MGST1: variants seen among roughly 807,000 people sequenced by gnomAD.
The protein encoded by MGST1 is microsomal glutathione S-transferase 1.
A neutral mutation model predicts 8.9 loss-of-function variants in MGST1; 5 were observed. That is an observed-to-expected ratio of 0.56 (90% CI 0.29 to 1.19). MGST1 has a LOEUF of 1.19. MGST1 is among the 50% of genes most tolerant of loss of function. The probability of loss-of-function intolerance (pLI) is 0.08; values close to 1 mark genes in which losing one functional copy is unlikely to be tolerated. For synonymous variants in MGST1, 54 were observed against 67.8 expected (o/e 0.80, Z 1.00); for missense variants, 182 against 187.4 (o/e 0.97, Z 0.17).
chr12:16,571,384 T>C (rs897141769), intron 4 of MGST1, among the ~76,000 whole-genome samples: 1 of 152,088 alleles, frequency 6.6e-6, no homozygotes, highest in Non-Finnish European at 1.5e-5. Flanking sequence ...AAATTTAATA[T>C]CCAACACCAT....
At chr12:16,445,789 T>C (rs1941075406) in intron 4 of MGST1, among the ~76,000 whole-genome samples, 1 of 151,922 alleles carries the variant, frequency 6.6e-6, no homozygotes, top group African/African-American at 2.4e-5. Flanking sequence ...TCTATCTAGT[T>C]TGGGCAAGGA....
Position 16,547,398 on chromosome 12 carries a change from A to G in MGST1, n.483-42130A>G, listed in dbSNP as rs920954607. Among the ~76,000 whole-genome samples, 2 of 152,202 alleles carry G rather than the reference A, an allele frequency of 1.3e-5. No homozygotes were observed. Among genetic ancestry groups the G allele is most frequent in the African/African-American group, 4.8e-5 (2 of 41,452 alleles). On this transcript the variant is annotated intron_variant and non_coding_transcript_variant, in intron 4 of 4. Transcript: ENST00000538857. This position sits in a 1 kb window ranked among gnomAD's most constrained non-coding sequence, Gnocchi z 4.6. The stretch of plus-strand genomic sequence containing the variant: ...TGAGTTAATGAGTAATTTGTGTGCG[A>G]TAATTCTCTGAACACATTGATTACT...
At chr12:16,454,485 G>A (rs987474599) in intron 4 of MGST1, among the ~76,000 whole-genome samples, 4 of 151,794 alleles carry the variant, frequency 2.6e-5, no homozygotes, top group Non-Finnish European at 5.9e-5. Flanking sequence ...AAATCTTAGA[G>A]GGTAGATCTC....
intron 4 of MGST1, among the ~76,000 whole-genome samples, chr12:16,489,095 G>A (rs1224658970): frequency 6.6e-6 from 1 of 151,936 alleles, no homozygotes; most frequent in Non-Finnish European, 1.5e-5. Flanking sequence ...GGGTGACAGA[G>A]CAAGATCACC....
In MGST1 at chr12:16,560,313, T is replaced by A; in HGVS notation, n.483-29215T>A. 1 of 1,295,836 alleles carries A rather than the reference T, an allele frequency of 7.7e-7. No homozygotes were observed. The allele number at this position is 1,295,836 out of a possible 1,614,324, so 80.3% of individuals were successfully genotyped here. A position where few individuals can be genotyped will look rare whatever the true frequency, so the allele number is the denominator to read the frequency against. On this transcript the variant is annotated intron_variant and non_coding_transcript_variant, in intron 4 of 4. Coordinates refer to the MGST1 transcript ENST00000538857. This position sits in a 1 kb window ranked among gnomAD's most constrained non-coding sequence, Gnocchi z 5.0. ...TTACAGAACAGAAAAACGCTGAGAT[T>A]GATTGCTTTAAATGTATGAATATAA...
chr12:16,521,696 G>A (rs1335951566), intron 4 of MGST1, among the ~76,000 whole-genome samples: 3 of 152,002 alleles, frequency 2.0e-5, no homozygotes, highest in African/African-American at 4.8e-5. Flanking sequence ...TCCCTTTGAC[G>A]ATGAGAATTA....
chr12:16,592,026 A>C (rs1019431983), downstream of MGST1, among the ~76,000 whole-genome samples: 1 of 152,046 alleles, frequency 6.6e-6, no homozygotes, highest in Admixed American at 6.6e-5. Flanking sequence ...AAATTTGAAA[A>C]ATAACTTGCT....
chr12:16,543,379 C>T (rs1591755825), intron 4 of MGST1, among the ~76,000 whole-genome samples: 1 of 152,080 alleles, frequency 6.6e-6, no homozygotes, highest in East Asian at 1.9e-4. Context: ...TTACTGTCCT[C>T]TTTGAATCTC....
chr12:16,519,065 C>G (rs1300075559), intron 4 of MGST1, among the ~76,000 whole-genome samples: 1 of 152,186 alleles, frequency 6.6e-6, no homozygotes, highest in African/African-American at 2.4e-5. Flanking sequence ...GGAAAGAGCT[C>G]AGGCTCTGGA....
downstream of MGST1, among the ~76,000 whole-genome samples, chr12:16,368,785 T>C (rs1320648155): frequency 6.6e-6 from 1 of 152,058 alleles, no homozygotes; most frequent in African/African-American, 2.4e-5. Context: ...CTGCATAAAA[T>C]GTGAGCCGTA....
intron 4 of MGST1, chr12:16,551,082 C>G (rs1426199192): frequency 1.7e-6 from 1 of 583,004 alleles, no homozygotes; most frequent in Non-Finnish European, 3.1e-6. Flanking sequence ...ATGCAGTCCG[C>G]CTTTTATTCC....
Position 16,482,785 on chromosome 12 carries a change from C to T in MGST1, n.482+99181C>T, listed in dbSNP as rs987082831. Among the ~76,000 whole-genome samples, 31 of 152,082 alleles carry T rather than the reference C, an allele frequency of 2.0e-4. No homozygotes were observed. The highest frequency in any genetic ancestry group is 6.3e-4 in the African/African-American group (26 of 41,398). Reference sequence around the variant, plus strand: ...GATTAGACTATCATGTCGGATACACCGAAATCAGAGACCTTACCCAGTGTC... The same window carrying T: ...GATTAGACTATCATGTCGGATACACTGAAATCAGAGACCTTACCCAGTGTC... On this transcript the variant is annotated intron_variant and non_coding_transcript_variant, in intron 4 of 4. Transcript: ENST00000538857. This position sits in a 1 kb window ranked among gnomAD's most constrained non-coding sequence, Gnocchi z 4.2.
At chr12:16,526,670 A>G (rs1036038593) in intron 4 of MGST1, among the ~76,000 whole-genome samples, 4 of 152,052 alleles carry the variant, frequency 2.6e-5, no homozygotes, top group Non-Finnish European at 4.4e-5. Flanking sequence ...AATTCATTCT[A>G]TCACCATAAA....
intron 4 of MGST1, among the ~76,000 whole-genome samples, chr12:16,475,149 C>G (rs1461549003): frequency 1.3e-5 from 2 of 152,074 alleles, no homozygotes; most frequent in African/African-American, 4.8e-5. Context: ...TTTGCAAGAC[C>G]ATGTAAAACA....
intron 1 of MGST1, among the ~76,000 whole-genome samples, chr12:16,424,391 C>T (rs1940867500): frequency 1.3e-5 from 2 of 152,146 alleles, no homozygotes; most frequent in Non-Finnish European, 2.9e-5. Context: ...ACAAAAAATT[C>T]AACTTTCTCT....
chr12:16,467,058 T>G (rs768124121), intron 4 of MGST1, among the ~76,000 whole-genome samples: 3 of 152,016 alleles, frequency 2.0e-5, no homozygotes, highest in Admixed American at 6.6e-5. Context: ...GTTCTTTTAT[T>G]TAAAAAAAAA....
At chr12:16,507,191 G>T (rs1488378652) in intron 4 of MGST1, among the ~76,000 whole-genome samples, 1 of 152,094 alleles carries the variant, frequency 6.6e-6, no homozygotes, top group Non-Finnish European at 1.5e-5. Flanking sequence ...AGAAAGCAGA[G>T]GGTTCAAAAC....
intron 1 of MGST1, among the ~76,000 whole-genome samples, chr12:16,385,767 G>A (rs191740625): frequency 4.9e-4 from 74 of 150,708 alleles, no homozygotes; most frequent in African/African-American, 1.8e-3. Flanking sequence ...GAGCTCACAA[G>A]TAACTCTCAT....
At chr12:16,543,932 C>G (rs1028150971) in intron 4 of MGST1, among the ~76,000 whole-genome samples, 1 of 152,052 alleles carries the variant, frequency 6.6e-6, no homozygotes, top group Non-Finnish European at 1.5e-5. Flanking sequence ...AAGTCATCAT[C>G]TCAGCTGTTG....
Sources: gnomAD v4.1 joint callset for allele counts (sites outside exome capture counted in the v4.1 genomes callset) on GRCh38, gnomAD v4.1.1 for gene constraint, Gnocchi (gnomAD v3.1) non-coding constraint, MANE v1.5 for transcripts, NCBI Gene and HGNC (gene_info 2026-07-23, HGNC 2026-07-21) for gene names.